RXRG: variants seen among roughly 807,000 people sequenced by gnomAD.
The protein encoded by RXRG is retinoic acid receptor RXR-gamma.
In RXRG, 19 loss-of-function variants were observed where a neutral mutation model predicts 49.2. The ratio of observed to expected loss-of-function variants is 0.39; its 90% CI spans 0.27 to 0.57. The LOEUF (loss-of-function observed/expected upper bound fraction) is 0.57, where lower values mean the gene tolerates loss of function less well. Among genes scored for constraint, RXRG ranks in the 20% least tolerant of loss-of-function variants. RXRG has a pLI of 0.64. For missense variants in RXRG, 452 were observed against 592.5 expected (o/e 0.76, Z 2.46); for synonymous variants, 224 against 216.6 (o/e 1.03, Z -0.30).
chr1:165,439,325 G>A (rs1238903001), intron 1 of RXRG, among the ~76,000 whole-genome samples: 1 of 151,464 alleles, frequency 6.6e-6, no homozygotes, highest in East Asian at 1.9e-4. Context: ...TGGAGGAGAG[G>A]GAGAGAGGCA....
At chr1:165,411,173 T>C in intron 4 of RXRG, 64 bp from the exon 5 acceptor site, 1 of 1,515,032 alleles carries the variant, frequency 6.6e-7, no homozygotes, top group Non-Finnish European at 9.0e-7. Context: ...GAAAGTTTAT[T>C]ACCCACATGA....
intron 1 of RXRG, 117 bp from the exon 2 acceptor site, chr1:165,429,083 T>A: frequency 9.0e-7 from 1 of 1,110,050 alleles, no homozygotes; most frequent in Non-Finnish European, 1.3e-6. Context: ...TAGCCACACC[T>A]ACACACCTGT....
intron 9 of RXRG, among the ~76,000 whole-genome samples, chr1:165,406,399 C>T (rs1001151984): frequency 6.6e-6 from 1 of 152,384 alleles, no homozygotes; most frequent in Admixed American, 6.5e-5. Context: ...AGTCACACCT[C>T]AAACACAGGC....
At chr1:165,438,118 C>A (rs1019049396) in intron 1 of RXRG, among the ~76,000 whole-genome samples, 1 of 152,078 alleles carries the variant, frequency 6.6e-6, no homozygotes, top group Non-Finnish European at 1.5e-5. Context: ...CAGGAGGGGC[C>A]CCTCTATCTG....
chr1:165,425,266 C>T (rs1658448585), intron 2 of RXRG, among the ~76,000 whole-genome samples: 1 of 152,244 alleles, frequency 6.6e-6, no homozygotes, highest in Non-Finnish European at 1.5e-5. Context: ...CAGGATCTGT[C>T]TACCACCTCA....
chr1:165,427,954 C>T (rs1658544872), intron 2 of RXRG, among the ~76,000 whole-genome samples: 1 of 152,200 alleles, frequency 6.6e-6, no homozygotes, highest in Non-Finnish European at 1.5e-5. Flanking sequence ...AGCCATCTGT[C>T]CTAGCCTAAG....
At chr1:165,415,135 G>A (rs887219490) in intron 4 of RXRG, among the ~76,000 whole-genome samples, 1 of 152,100 alleles carries the variant, frequency 6.6e-6, no homozygotes, top group Admixed American at 6.6e-5. Context: ...AACCAGGCAA[G>A]GCTTTACCAA....
rs200722847 is a variant in RXRG at position 165,419,943 on chromosome 1, G to A, written c.369C>T (p.Asn123=). 5.9e-4 allele frequency: 957 copies of A among 1,613,470 alleles called. 8 individuals carry two copies. In the South Asian group the frequency reaches 0.01, roughly 17 times the overall value. ...KPLPGLPGIG[N]MNYPSTSPGS... is the part of the protein sequence containing the mutation. ...CGGGGCTGGTGGATGGGTAGTTCAT[G>A]TTTCCAATCCCGGGAAGCCCTGGTA... The change falls in exon 3 of 10, where the codon AAC becomes AAT. Residue 123 remains asparagine, a synonymous_variant. Coordinates refer to ENST00000359842, the MANE Select transcript of RXRG (RefSeq NM_006917.5).
chr1:165,414,980 G>A (rs1453754268), intron 4 of RXRG, among the ~76,000 whole-genome samples: 2 of 152,196 alleles, frequency 1.3e-5, no homozygotes, highest in Admixed American at 6.5e-5. Flanking sequence ...TGGTGATAAA[G>A]CAGTGGGGGA....
At chr1:165,404,529 G>A (rs1657684557) in intron 9 of RXRG, among the ~76,000 whole-genome samples, 1 of 152,136 alleles carries the variant, frequency 6.6e-6, no homozygotes, top group African/African-American at 2.4e-5. Flanking sequence ...CAAAACCATT[G>A]AAAATGATAA....
At chr1:165,441,703 C>T (rs1311955986) in intron 1 of RXRG, among the ~76,000 whole-genome samples, 4 of 152,098 alleles carry the variant, frequency 2.6e-5, no homozygotes, top group African/African-American at 9.7e-5. Flanking sequence ...TCCTTCTCAC[C>T]CTGAGGATTA....
intron 2 of RXRG, 121 bp from the exon 3 acceptor site, chr1:165,420,135 A>G (rs1344162596): frequency 1.3e-6 from 1 of 781,384 alleles, no homozygotes; most frequent in Non-Finnish European, 1.8e-6. Flanking sequence ...GTTTCCAAGT[A>G]CAGAGTATTT....
rs1571275287 is a variant in RXRG, at chr1:165,419,126, A to G, written c.442+744T>C. 2.6e-5 allele frequency among the ~76,000 whole-genome samples: 4 copies of G among 152,324 alleles called. No individual in the cohort carries two copies. The South Asian group carries it at 8.3e-4, about 32-fold the overall frequency. ...GAAATATGGGGCAGGAAGAATGGAG[A>G]GGAAAGAAGCAAGGAAAGAAATAAC... is the stretch of plus-strand genomic sequence containing the variant. On this transcript the variant is annotated intron_variant, in intron 3 of 9. Transcript: ENST00000359842.
At chr1:165,443,431 A>G (rs1196957634) in intron 1 of RXRG, among the ~76,000 whole-genome samples, 8 of 152,202 alleles carry the variant, frequency 5.3e-5, no homozygotes, top group Admixed American at 5.2e-4. Flanking sequence ...TCAAATGCCC[A>G]GGTCACAGCA....
intron 2 of RXRG, among the ~76,000 whole-genome samples, chr1:165,423,019 A>T (rs1271534013): frequency 2.6e-5 from 4 of 152,266 alleles, no homozygotes; most frequent in Admixed American, 1.3e-4. Flanking sequence ...GCTTTGGGGC[A>T]CTTTCTCCCC....
chr1:165,437,258 G>A, intron 1 of RXRG: 1 of 1,354,986 alleles, frequency 7.4e-7, no homozygotes, highest in African/African-American at 1.5e-5. Flanking sequence ...CTAAGCATCT[G>A]CTTGTATATG....
Position 165,434,189 on chromosome 1 carries a change from A to C in RXRG, c.50-5223T>G, listed in dbSNP as rs1658758805. Among the ~76,000 whole-genome samples, 3 of 152,176 alleles carry C rather than the reference A, an allele frequency of 2.0e-5. No homozygotes were observed. The South Asian group carries it at 6.2e-4, about 32-fold the overall frequency. ...TAATTAATGTATACAAGTAGGTATA[A>C]AGTTTATCAACAGAAATTATTTGCA... On this transcript the variant is annotated intron_variant, in intron 1 of 9. Transcript: ENST00000359842.
chr1:165,419,517 A>G (rs77467071), intron 3 of RXRG, among the ~76,000 whole-genome samples: 4 of 152,026 alleles, frequency 2.6e-5, no homozygotes, highest in African/African-American at 9.7e-5. Context: ...CAGCCTCCCA[A>G]GTAGCTGGGA....
intron 2 of RXRG, among the ~76,000 whole-genome samples, chr1:165,424,466 G>A (rs577576130): frequency 1.3e-5 from 2 of 152,196 alleles, no homozygotes; most frequent in Non-Finnish European, 2.9e-5. Context: ...TCTTTGACAT[G>A]CCTAAAAAAA....
Sources: gnomAD v4.1 joint callset for allele counts (sites outside exome capture counted in the v4.1 genomes callset) on GRCh38, gnomAD v4.1.1 for gene constraint, MANE v1.5 for transcripts, NCBI Gene and HGNC (gene_info 2026-07-23, HGNC 2026-07-21) for gene names.